Variants in DISP1 observed in about 807,000 individuals in gnomAD.
The protein encoded by DISP1 is dispatched RND transporter family member 1, also known as protein dispatched homolog 1.
In DISP1, 30 loss-of-function variants were observed where a neutral mutation model predicts 37.3. That is an observed-to-expected ratio of 0.80 (90% CI 0.60 to 1.09). The LOEUF is 1.09. Ranked by LOEUF, DISP1 falls within the 50% of genes least tolerant of loss-of-function variation. The pLI is 0.00. For missense variants in DISP1, 1,598 were observed against 1,879.5 expected (o/e 0.85, Z 2.77); for synonymous variants, 634 against 690.2 (o/e 0.92, Z 1.28).
intron 1 of DISP1, among the ~76,000 whole-genome samples, chr1:222,890,412 C>A (rs1209912460): frequency 6.6e-6 from 1 of 152,012 alleles, no homozygotes; most frequent in African/African-American, 2.4e-5. Flanking sequence ...AATGAAGTAC[C>A]TGAGCTGATC....
At chr1:222,965,620 G>A (rs1296377314) in intron 3 of DISP1, among the ~76,000 whole-genome samples, 1 of 151,824 alleles carries the variant, frequency 6.6e-6, no homozygotes, top group Non-Finnish European at 1.5e-5. Context: ...TTTATTCTGT[G>A]CACTGCGACC....
intron 1 of DISP1, among the ~76,000 whole-genome samples, chr1:222,881,187 AT>A (rs568384229): frequency 6.6e-6 from 1 of 151,750 alleles, no homozygotes; most frequent in African/African-American, 2.4e-5. Context: ...ATCTTTTAGA[AT>A]TTTTTTTTAT....
At chr1:222,989,327 T>C (rs755042111) in intron 4 of DISP1, 169 of 975,822 alleles carry the variant, frequency 1.7e-4, no homozygotes, top group Non-Finnish European at 1.9e-4. Flanking sequence ...ACAAGTTAAA[T>C]ATTTTGTCTT....
At chr1:222,866,585 C>G (rs879706308) in intron 1 of DISP1, among the ~76,000 whole-genome samples, 1 of 152,022 alleles carries the variant, frequency 6.6e-6, no homozygotes, top group Non-Finnish European at 1.5e-5. Flanking sequence ...CCTTGTGATC[C>G]GCCCCACTAG....
Position 222,954,248 on chromosome 1 carries a change from G to T in DISP1, c.509+10916G>T, listed in dbSNP as rs79533679. Among the ~76,000 whole-genome samples, 141 of 152,194 alleles carry T rather than the reference G, an allele frequency of 9.3e-4. No individual in the cohort carries two copies. The East Asian group carries it at 0.011, about 12-fold the overall frequency. ...ATGGATTGTTAGGTGTAACTTAAAAGAATTTATAGAACTTAACATTTAAAG... is the reference window on the plus strand; with the variant it reads ...ATGGATTGTTAGGTGTAACTTAAAATAATTTATAGAACTTAACATTTAAAG... On this transcript the variant is annotated intron_variant, in intron 3 of 8. Transcript: ENST00000675850.
intron 1 of DISP1, among the ~76,000 whole-genome samples, chr1:222,881,652 T>C (rs1309922038): frequency 6.6e-6 from 1 of 152,228 alleles, no homozygotes; most frequent in East Asian, 1.9e-4. Flanking sequence ...TTATAATGGA[T>C]TCGTTGGCAA....
intron 1 of DISP1, among the ~76,000 whole-genome samples, chr1:222,844,627 AG>A (rs1667794533): frequency 6.6e-6 from 1 of 152,146 alleles, no homozygotes; most frequent in African/African-American, 2.4e-5. Context: ...TTTGCAGGAA[AG>A]GTATTTAAGC....
intron 1 of DISP1, among the ~76,000 whole-genome samples, chr1:222,884,769 G>A (rs1253711261): frequency 6.6e-6 from 1 of 152,148 alleles, no homozygotes; most frequent in African/African-American, 2.4e-5. Flanking sequence ...TTTGCTCACT[G>A]ATTTTAGCAT....
chr1:222,898,044 T>C (rs1671364609), intron 1 of DISP1, among the ~76,000 whole-genome samples: 1 of 152,202 alleles, frequency 6.6e-6, no homozygotes, highest in Non-Finnish European at 1.5e-5. Flanking sequence ...ACATCTGATA[T>C]TCACTAGTCA....
chr1:222,868,809 A>G (rs1669349719), intron 1 of DISP1, among the ~76,000 whole-genome samples: 1 of 152,142 alleles, frequency 6.6e-6, no homozygotes, highest in African/African-American at 2.4e-5. Flanking sequence ...TTTCCCTAAG[A>G]TCAAACTTTT....
chr1:223,001,775 C>A (rs972759282), intron 8 of DISP1, among the ~76,000 whole-genome samples: 1 of 152,134 alleles, frequency 6.6e-6, no homozygotes, highest in Non-Finnish European at 1.5e-5. Context: ...AAAAGTCACA[C>A]CCCCTAACAC....
At chr1:222,953,366 A>G (rs1021616212) in intron 3 of DISP1, among the ~76,000 whole-genome samples, 3 of 152,144 alleles carry the variant, frequency 2.0e-5, no homozygotes, top group Non-Finnish European at 4.4e-5. Flanking sequence ...GTATTGTTTT[A>G]GAAATGAAGC....
intron 4 of DISP1, among the ~76,000 whole-genome samples, chr1:222,984,409 A>AG: frequency 2.2e-5 from 1 of 46,130 alleles, no homozygotes; most frequent in African/African-American, 6.8e-5. Context: ...GTCTCAAAAA[A>AG]AAAAAAAAAA....
chr1:222,980,108 C>G (rs943538936), intron 3 of DISP1, among the ~76,000 whole-genome samples: 1 of 152,096 alleles, frequency 6.6e-6, no homozygotes, highest in Non-Finnish European at 1.5e-5. Context: ...CCAGGATACT[C>G]AAAAGTATCC....
intron 8 of DISP1, among the ~76,000 whole-genome samples, chr1:222,997,517 A>G (rs1171696444): frequency 1.3e-5 from 2 of 152,198 alleles, no homozygotes; most frequent in East Asian, 3.8e-4. Context: ...TGCAAAACAT[A>G]GGTAGGCTGG....
In DISP1 at chr1:222,874,595, G is replaced by A. The variant is rs533613194; in HGVS notation, c.-158-53835G>A. Among the ~76,000 whole-genome samples the A allele has an allele frequency of 1.5e-3, 230 of 152,204 alleles. 1 individual carries two copies. Among genetic ancestry groups the A allele is most frequent in the African/African-American group, 5.4e-3 (224 of 41,544 alleles). On this transcript the variant is annotated intron_variant, in intron 1 of 8. Transcript: ENST00000675850. ...ATTCGTCATGTAGTTCTCGTGCCTTGGTTTTCAGCTCCATCAGGTCCTTTA... is the reference window on the plus strand; with the variant it reads ...ATTCGTCATGTAGTTCTCGTGCCTTAGTTTTCAGCTCCATCAGGTCCTTTA...
chr1:222,918,097 C>T (rs759418466), intron 1 of DISP1, among the ~76,000 whole-genome samples: 10 of 152,140 alleles, frequency 6.6e-5, no homozygotes, highest in Admixed American at 2.6e-4. Flanking sequence ...AAAACGGCAC[C>T]TCCCTGTTGG....
intron 1 of DISP1, among the ~76,000 whole-genome samples, chr1:222,842,047 A>G (rs182433102): frequency 1.3e-5 from 2 of 152,220 alleles, no homozygotes; most frequent in African/African-American, 4.8e-5. Flanking sequence ...TACCTGAGGA[A>G]CTGGAGTGTT....
intron 3 of DISP1, among the ~76,000 whole-genome samples, chr1:222,952,273 A>G (rs1365721629): frequency 2.0e-5 from 3 of 152,228 alleles, no homozygotes; most frequent in African/African-American, 7.2e-5. Context: ...CTCAGTAGCC[A>G]CATGTGGCTA....
Sources: allele counts gnomAD v4.1 joint callset (sites outside exome capture counted in the v4.1 genomes callset), GRCh38; gene constraint gnomAD v4.1.1; transcripts MANE v1.5; gene names NCBI Gene and HGNC (gene_info 2026-07-23, HGNC 2026-07-21).